The following RESF1 variants were observed in gnomAD, a reference collection of about 807,000 sequenced individuals.
The protein encoded by RESF1 is gonad expressed transcript.
Under a neutral mutation model 134.7 loss-of-function variants are expected in RESF1, and 65 were observed. The observed-to-expected ratio is 0.48, with a 90% confidence interval of 0.40 to 0.59. RESF1 has a LOEUF of 0.59. Ranked by LOEUF, RESF1 falls within the 20% of genes least tolerant of loss-of-function variation. The probability of loss-of-function intolerance (pLI) is 0.00; values close to 1 mark genes in which losing one functional copy is unlikely to be tolerated. For synonymous variants in RESF1, 762 were observed against 702.2 expected (o/e 1.09, Z -1.35); for missense variants, 2,274 against 2,002.7 (o/e 1.14, Z -2.59).
rs1939198772 is a variant in RESF1, at chr12:31,959,450, G to A, written c.-383G>A. ...AACTCTGGGGCCCGGGAGGCCGCCG[G>A]TTTTCTCCCCGCTTGCCGGGGTGGT... On this transcript the variant is annotated 5_prime_UTR_variant, in exon 1 of 6. Coordinates refer to ENST00000312561, the MANE Select transcript of RESF1 (RefSeq NM_018169.4). 6.6e-6 allele frequency: 1 copy of A among 152,412 alleles called. No individual in the cohort carries two copies. The allele number at this position is 152,412 out of a possible 1,614,324, so 9.4% of individuals were successfully genotyped here.
chr12:31,982,886 T>C lies in RESF1; in HGVS notation c.1931T>C (p.Val644Ala), dbSNP rs369378493. 26 of 1,613,902 alleles carry C rather than the reference T, an allele frequency of 1.6e-5. No individual in the cohort carries two copies. Among genetic ancestry groups the C allele is most frequent in the African/African-American group, 8.0e-5 (6 of 74,908 alleles). The change falls in exon 4 of 6, where the codon GTT becomes GCT. Residue 644 changes from valine to alanine, a missense_variant. Val to Ala is a moderately conservative substitution (Grantham distance 64). Coordinates refer to ENST00000312561, the MANE Select transcript of RESF1 (RefSeq NM_018169.4). Reference protein sequence around the residue: ...TPSTSNVSGRVLDNSFCSGQE... With the variant: ...TPSTSNVSGRALDNSFCSGQE... The stretch of plus-strand genomic sequence containing the variant: ...AGTACTTCTAATGTAAGTGGCAGGG[T>C]TTTGGACAACTCCTTTTGCAGTGGA...
intron 2 of RESF1, among the ~76,000 whole-genome samples, chr12:31,964,747 T>A (rs1939360360): frequency 6.6e-6 from 1 of 152,218 alleles, no homozygotes; most frequent in Non-Finnish European, 1.5e-5. Flanking sequence ...CATGTTGATT[T>A]CTTTGGAGAA....
rs1939845033 is a variant in RESF1, at chr12:31,982,988, C to T, written c.2033C>T (p.Ser678Phe). Residue 678 changes from serine to phenylalanine, a missense_variant, in exon 4 of 6, where the codon TCC (serine) becomes TTC (phenylalanine). By Grantham distance (155) the Ser-to-Phe change is radical. Coordinates refer to ENST00000312561, the MANE Select transcript of RESF1 (RefSeq NM_018169.4). ...CSMEVLATCL[S>F]LWKKQPSDTA... Reference sequence around the variant, plus strand: ...ATGGAAGTGCTAGCAACCTGTCTTTCCCTGTGGAAAAAGCAACCTTCAGAT... The same window carrying T: ...ATGGAAGTGCTAGCAACCTGTCTTTTCCTGTGGAAAAAGCAACCTTCAGAT... 2 of 1,614,082 alleles carry T rather than the reference C, an allele frequency of 1.2e-6. No individual in the cohort carries two copies. Among genetic ancestry groups the T allele is most frequent in the African/African-American group, 2.7e-5 (2 of 75,044 alleles).
chr12:31,982,160 A>G lies in RESF1; in HGVS notation c.1205A>G (p.Glu402Gly), dbSNP rs1409794915. Residue 402 changes from glutamate to glycine, a missense_variant, in exon 4 of 6, where the codon GAG becomes GGG. By Grantham distance (98) the Glu-to-Gly change is moderately conservative. Transcript: ENST00000312561. ...KLVRDIKTLV[E>G]IKQKFSELAR... ...GTAAGGGATATTAAAACATTAGTAG[A>G]GATAAAACAGAAGTTTTCAGAACTT... is the stretch of plus-strand genomic sequence containing the variant. 6.2e-7 allele frequency: 1 copy of G among 1,612,544 alleles called. No homozygotes were observed. The highest frequency in any genetic ancestry group is 2.2e-5 in the East Asian group (1 of 44,874).
intron 2 of RESF1, among the ~76,000 whole-genome samples, chr12:31,968,196 T>C (rs1007123355): frequency 6.6e-6 from 1 of 152,208 alleles, no homozygotes; most frequent in Non-Finnish European, 1.5e-5. Flanking sequence ...TAAACTTTCC[T>C]TTGTGGAACA....
Position 31,970,344 on chromosome 12 carries a change from C to T in RESF1, c.-91C>T, listed in dbSNP as rs1432967059. ...CTACTAATGGACAGTTAGTCACCCA[C>T]CTACATGTTGAGGTACTCTGGACCT... On this transcript the variant is annotated 5_prime_UTR_variant, in exon 3 of 6. Coordinates refer to ENST00000312561, the MANE Select transcript of RESF1 (RefSeq NM_018169.4). 6 of 152,204 alleles carry T rather than the reference C, an allele frequency of 3.9e-5. No homozygotes were observed. The highest frequency in any genetic ancestry group is 8.8e-5 in the Non-Finnish European group (6 of 68,036). The allele number at this position is 152,204 out of a possible 1,614,324, so 9.4% of individuals were successfully genotyped here.
At chr12:31,962,299 C>T (rs1389104410) in intron 2 of RESF1, among the ~76,000 whole-genome samples, 1 of 151,400 alleles carries the variant, frequency 6.6e-6, no homozygotes, top group Non-Finnish European at 1.5e-5. Flanking sequence ...CCATTAGAGG[C>T]ACACTCTATT....
In RESF1 at chr12:31,980,293, G is replaced by A. The variant is rs370528776; in HGVS notation, c.-78-585G>A. ...CACCCCGCTAATTTTTGTATTTTTA[G>A]TAAAGATGGGGTTTGGCATGTTAGC... On this transcript the variant is annotated intron_variant, in intron 3 of 5. Coordinates refer to ENST00000312561, the MANE Select transcript of RESF1 (RefSeq NM_018169.4). Among the ~76,000 whole-genome samples, 3 of 151,766 alleles carry A rather than the reference G, an allele frequency of 2.0e-5. No individual in the cohort carries two copies. In the East Asian group the frequency reaches 5.8e-4, roughly 30 times the overall value.
chr12:31,975,063 A>G (rs1016033187), intron 3 of RESF1, among the ~76,000 whole-genome samples: 2 of 151,898 alleles, frequency 1.3e-5, no homozygotes, highest in Admixed American at 1.3e-4. Flanking sequence ...TCATGAGGTC[A>G]GGAGTTTGAG....
intron 3 of RESF1, among the ~76,000 whole-genome samples, chr12:31,971,578 TTC>T (rs1392541224): frequency 6.6e-6 from 1 of 152,246 alleles, no homozygotes; most frequent in Non-Finnish European, 1.5e-5. Context: ...CAGACTGACA[TTC>T]TCTGTCTTTT....
chr12:31,980,521 T>C (rs1468961817), intron 3 of RESF1, among the ~76,000 whole-genome samples: 1 of 151,540 alleles, frequency 6.6e-6, no homozygotes, highest in African/African-American at 2.4e-5. Context: ...TGAACTTCCC[T>C]TTTTTTTTAA....
At position 31,981,404 on chromosome 12, in the gene RESF1, C is replaced by T. The variant is rs200000500; in HGVS notation, c.449C>T (p.Pro150Leu). ...TTTGGAGCTAACGTACCCAATATGCCGGCACTACAGAGTCAACTGATAACA... is the reference window on the plus strand; with the variant it reads ...TTTGGAGCTAACGTACCCAATATGCTGGCACTACAGAGTCAACTGATAACA... ...TDFGANVPNM[P>L]ALQSQLITSD... Residue 150 changes from proline (P) to leucine (L), a missense_variant, in exon 4 of 6, where the codon CCG (proline) becomes CTG (leucine). Coordinates refer to ENST00000312561, the MANE Select transcript of RESF1 (RefSeq NM_018169.4). The T allele has an allele frequency of 3.2e-5, 51 of 1,613,928 alleles. No individual in the cohort carries two copies. The highest frequency in any genetic ancestry group is 1.6e-4 in the Middle Eastern group (1 of 6,062).
intron 2 of RESF1, among the ~76,000 whole-genome samples, chr12:31,969,810 C>T (rs1009694264): frequency 1.3e-4 from 20 of 152,104 alleles, no homozygotes; most frequent in African/African-American, 4.8e-4. Context: ...AGGTTAGTCT[C>T]GAACTTCTGA....
chr12:31,985,732 G>C lies in RESF1; in HGVS notation c.4777G>C (p.Glu1593Gln). 1 of 1,591,964 alleles carries C rather than the reference G, an allele frequency of 6.3e-7. No homozygotes were observed. Among genetic ancestry groups the C allele is most frequent in the Non-Finnish European group, 8.5e-7 (1 of 1,173,730 alleles). The change falls in exon 4 of 6, where the codon GAA becomes CAA. Residue 1593 changes from glutamate to glutamine, a missense_variant. Transcript: ENST00000312561. ...AGTTGGGTTTAAATGCACTGAACGT[G>C]AAAGCATTTCTCTCACCAAATTAGA... is the stretch of plus-strand genomic sequence containing the variant. ...NRVGFKCTER[E>Q]SISLTKLESS...
intron 2 of RESF1, among the ~76,000 whole-genome samples, chr12:31,964,633 CACTTA>C (rs553748350): frequency 5.4e-4 from 82 of 152,314 alleles, no homozygotes; most frequent in African/African-American, 1.9e-3. Context: ...CATCCATAGA[CACTTA>C]ACTTTTATAG....
Position 31,982,332 on chromosome 12 carries a change from A to G in RESF1, c.1377A>G (p.Pro459=), listed in dbSNP as rs1320816251. The G allele has an allele frequency of 6.2e-7, 1 of 1,614,206 alleles. No individual in the cohort carries two copies. Among genetic ancestry groups the G allele is most frequent in the Non-Finnish European group, 8.5e-7 (1 of 1,180,038 alleles). ...AKIQSGPQIT[P]VMPENAERQT... is the part of the protein sequence containing the mutation. ...TCCAGTCTGGACCCCAGATAACTCCAGTAATGCCAGAGAATGCAGAGAGAC... is the reference window on the plus strand; with the variant it reads ...TCCAGTCTGGACCCCAGATAACTCCGGTAATGCCAGAGAATGCAGAGAGAC... Residue 459 remains proline (P), a synonymous_variant, in exon 4 of 6, where the codon CCA becomes CCG. Coordinates refer to ENST00000312561, the MANE Select transcript of RESF1 (RefSeq NM_018169.4).
At position 31,985,093 on chromosome 12, in the gene RESF1, G is replaced by T. The variant is rs76943150; in HGVS notation, c.4138G>T (p.Gly1380Trp). The change falls in exon 4 of 6, where the codon GGG (glycine) becomes TGG (tryptophan). Residue 1380 changes from glycine to tryptophan, a missense_variant. Physicochemically the swap from Gly to Trp is radical, Grantham distance 184. Transcript: ENST00000312561. ...SFKQKRKLDQ[G>W]NVLDMEVKKK... Reference sequence around the variant, plus strand: ...CAAACAAAAACGAAAGTTAGACCAAGGGAACGTATTAGATATGGAAGTAAA... The same window carrying T: ...CAAACAAAAACGAAAGTTAGACCAATGGAACGTATTAGATATGGAAGTAAA... 6.4e-7 allele frequency: 1 copy of T among 1,563,550 alleles called. No individual in the cohort carries two copies. Among genetic ancestry groups the T allele is most frequent in the South Asian group, 1.2e-5 (1 of 81,000 alleles).
At chr12:31,978,981 C>T (rs1373473898) in intron 3 of RESF1, among the ~76,000 whole-genome samples, 9 of 144,652 alleles carry the variant, frequency 6.2e-5, no homozygotes, top group South Asian at 2.2e-4. Context: ...AGTGCAGTGG[C>T]GCCATCTGGG....
At chr12:31,987,460 TTGAG>T in intron 5 of RESF1, 138 bp downstream of exon 5, 4 of 583,648 alleles carry the variant, frequency 6.9e-6, no homozygotes, top group Non-Finnish European at 1.2e-5. Context: ...GTGTTTGTGT[TTGAG>T]TGGTAGGAGG....
Sources: gnomAD v4.1 joint callset for allele counts (sites outside exome capture counted in the v4.1 genomes callset) on GRCh38, gnomAD v4.1.1 for gene constraint, MANE v1.5 for transcripts, NCBI Gene and HGNC (gene_info 2026-07-23, HGNC 2026-07-21) for gene names.